The following TMEM41B variants were observed in gnomAD, a reference collection of about 807,000 sequenced individuals.
TMEM41B encodes protein stasimon.
TMEM41B carries 18 observed loss-of-function variants against 31.9 expected under a neutral mutation model. That is an observed-to-expected ratio of 0.56 (90% CI 0.39 to 0.84). TMEM41B has a LOEUF of 0.84. Among genes scored for constraint, TMEM41B ranks in the 40% least tolerant of loss-of-function variants. TMEM41B has a pLI of 0.00. For synonymous variants in TMEM41B, 144 were observed against 124.3 expected (o/e 1.16, Z -1.05); for missense variants, 322 against 348.0 (o/e 0.93, Z 0.59).
intron 2 of TMEM41B, among the ~76,000 whole-genome samples, chr11:9,296,583 G>T (rs1484162541): frequency 6.8e-6 from 1 of 147,134 alleles, no homozygotes; most frequent in Non-Finnish European, 1.5e-5. Flanking sequence ...CCTCCAGCCT[G>T]GGCAACAGAG....
intron 5 of TMEM41B, 99 bp from the exon 6 acceptor site, chr11:9,286,692 TCA>T: frequency 2.4e-6 from 3 of 1,237,000 alleles, no homozygotes; most frequent in Non-Finnish European, 3.4e-6. Flanking sequence ...TCCTGATACT[TCA>T]GAGTATACCC....
Position 9,280,846 on chromosome 11 carries a change from G to A in TMEM41B, c.*2578C>T, listed in dbSNP as rs2133602643. The A allele has an allele frequency of 6.6e-6, 1 of 152,262 alleles. No homozygotes were observed. Among genetic ancestry groups the A allele is most frequent in the Admixed American group, 6.5e-5 (1 of 15,274 alleles). The allele number at this position is 152,262 out of a possible 1,614,324, so 9.4% of individuals were successfully genotyped here. ...CCGCACCACAGATGCTTGTCTTCTT[G>A]TGGTTGTTACCACAAGCCAAAGCTT... On this transcript the variant is annotated 3_prime_UTR_variant, in exon 7 of 7. Coordinates refer to ENST00000528080, the MANE Select transcript of TMEM41B (RefSeq NM_015012.4).
At chr11:9,306,048 G>A (rs1259871772) in intron 1 of TMEM41B, among the ~76,000 whole-genome samples, 1 of 140,146 alleles carries the variant, frequency 7.1e-6, no homozygotes, top group African/African-American at 2.7e-5. Context: ...GTGTGATCTC[G>A]GCTCACTGCA....
intron 1 of TMEM41B, among the ~76,000 whole-genome samples, chr11:9,306,602 C>T (rs1853403703): frequency 2.0e-5 from 3 of 151,996 alleles, no homozygotes; most frequent in Admixed American, 2.0e-4. Context: ...AGGAAATCGG[C>T]ATTAACCCGG....
chr11:9,283,193 T>C lies in TMEM41B; in HGVS notation c.*231A>G, dbSNP rs1852761016. 5.6e-6 allele frequency: 2 copies of C among 360,178 alleles called. No homozygotes were observed. The highest frequency in any genetic ancestry group is 1.1e-4 in the South Asian group (2 of 17,936). The allele number at this position is 360,178 out of a possible 1,614,324, so 22.3% of individuals were successfully genotyped here. ...CCTTGGTATAATAATTTATAAGATG[T>C]CTAAGATGTCTACCTTAACTATTGA... On this transcript the variant is annotated 3_prime_UTR_variant, in exon 7 of 7. Coordinates refer to ENST00000528080, the MANE Select transcript of TMEM41B (RefSeq NM_015012.4).
chr11:9,293,928 G>A (rs1267593493), intron 3 of TMEM41B, among the ~76,000 whole-genome samples: 4 of 152,148 alleles, frequency 2.6e-5, no homozygotes, highest in Admixed American at 2.6e-4. Context: ...AGTGTTGTCA[G>A]GCGTGGCGGC....
intron 2 of TMEM41B, among the ~76,000 whole-genome samples, chr11:9,299,336 A>ACACACACACACACACACACACACC (rs1853186597): frequency 6.8e-6 from 1 of 147,942 alleles, no homozygotes. Context: ...ACACACACAC[A>ACACACACACACACACACACACACC]CACACACACG....
chr11:9,288,342 T>A, intron 4 of TMEM41B, 100 bp downstream of exon 4: 1 of 768,672 alleles, frequency 1.3e-6, no homozygotes, highest in Non-Finnish European at 2.0e-6. Flanking sequence ...CTTCAATTAA[T>A]GAGTTTATGC....
At chr11:9,297,734 C>G (rs1853134306) in intron 2 of TMEM41B, among the ~76,000 whole-genome samples, 1 of 151,868 alleles carries the variant, frequency 6.6e-6, no homozygotes, top group Non-Finnish European at 1.5e-5. Context: ...TGGGGTCTCG[C>G]TATGTGACCC....
Position 9,299,708 on chromosome 11 carries a change from G to A in TMEM41B, c.122-7C>T, listed in dbSNP as rs747834549. ...GCTTCTACCCAGGATTTTTCTGGAA[G>A]AAAAAAGAAAGTATAATTAAGATAA... On this transcript the variant is annotated splice_polypyrimidine_tract_variant and splice_region_variant and intron_variant, in intron 1 of 6. Coordinates refer to ENST00000528080, the MANE Select transcript of TMEM41B (RefSeq NM_015012.4). The A allele has an allele frequency of 5.8e-6, 9 of 1,555,150 alleles. No homozygotes were observed. The East Asian group carries it at 1.6e-4, about 27-fold the overall frequency.
At chr11:9,303,497 T>C (rs2133639506) in intron 1 of TMEM41B, among the ~76,000 whole-genome samples, 1 of 152,230 alleles carries the variant, frequency 6.6e-6, no homozygotes, top group South Asian at 2.1e-4. Flanking sequence ...GAAATAAGAA[T>C]TGCTTAGGTT....
At chr11:9,285,227 G>C in intron 6 of TMEM41B, among the ~76,000 whole-genome samples, 1 of 151,876 alleles carries the variant, frequency 6.6e-6, no homozygotes, top group East Asian at 1.9e-4. Flanking sequence ...TGAGACTACA[G>C]GCACCTGCCA....
chr11:9,290,490 A>G (rs540088196), intron 3 of TMEM41B, among the ~76,000 whole-genome samples: 3 of 152,190 alleles, frequency 2.0e-5, no homozygotes, highest in Non-Finnish European at 4.4e-5. Context: ...CGTGGCACAC[A>G]TATACGTATG....
chr11:9,301,584 A>G (rs995790576), intron 1 of TMEM41B, among the ~76,000 whole-genome samples: 1 of 152,098 alleles, frequency 6.6e-6, no homozygotes, highest in Non-Finnish European at 1.5e-5. Flanking sequence ...CTTCTCTTGA[A>G]TTAACACCCT....
intron 4 of TMEM41B, 65 bp downstream of exon 4, chr11:9,288,377 T>A: frequency 8.7e-7 from 1 of 1,145,280 alleles, no homozygotes; most frequent in East Asian, 2.4e-5. Flanking sequence ...AGGGTTAAAG[T>A]ATCATCATCA....
intron 1 of TMEM41B, among the ~76,000 whole-genome samples, chr11:9,312,816 A>G (rs1853592380): frequency 6.6e-6 from 1 of 150,464 alleles, no homozygotes; most frequent in Non-Finnish European, 1.5e-5. Context: ...AGGCAGGAGA[A>G]TGGCGTGAAC....
chr11:9,290,045 A>G (rs914703013), intron 3 of TMEM41B, among the ~76,000 whole-genome samples: 5 of 151,320 alleles, frequency 3.3e-5, no homozygotes, highest in African/African-American at 1.2e-4. Context: ...CAAAACACAC[A>G]CACACACACA....
At chr11:9,283,825 C>T (rs954333729) in intron 6 of TMEM41B, among the ~76,000 whole-genome samples, 45 of 150,542 alleles carry the variant, frequency 3.0e-4, no homozygotes, top group African/African-American at 1.0e-3. Flanking sequence ...GCTCTTGTTG[C>T]CCCCGCTGGA....
At chr11:9,288,661 G>A in intron 3 of TMEM41B, 126 bp from the exon 4 acceptor site, 1 of 633,436 alleles carries the variant, frequency 1.6e-6, no homozygotes, top group Middle Eastern at 4.6e-4. Context: ...CAAAGGTCTA[G>A]CCTCTAAGTT....
Sources: gnomAD v4.1 joint callset for allele counts (sites outside exome capture counted in the v4.1 genomes callset) on GRCh38, gnomAD v4.1.1 for gene constraint, MANE v1.5 for transcripts, NCBI Gene and HGNC (gene_info 2026-07-23, HGNC 2026-07-21) for gene names.